NCAM2: variants seen among roughly 807,000 people sequenced by gnomAD.
NCAM2 encodes neural cell adhesion molecule 2.
In NCAM2, 30 loss-of-function variants were observed where a neutral mutation model predicts 98.1. The observed-to-expected ratio is 0.31, with a 90% CI of 0.23 to 0.41. The LOEUF is 0.41. Ranked by LOEUF, NCAM2 falls within the 10% of genes least tolerant of loss-of-function variation. NCAM2 has a pLI of 1.00. For missense variants in NCAM2, 867 were observed against 1,005.8 expected, an observed-to-expected ratio of 0.86 and a Z score of 1.87; for synonymous variants, 368 against 342.4, an observed-to-expected ratio of 1.07 and a Z score of -0.83.
chr21:21,394,469 C>CTTTTTTTTTTTTTTT lies in NCAM2; in HGVS notation c.1196-15782_1196-15768dup, dbSNP rs532068473. On this transcript the variant is annotated intron_variant, in intron 9 of 17. Transcript: ENST00000400546. ...GACCTTAGTTAATTTAAGGGGCCAG[C>CTTTTTTTTTTTTTTT]TTTTTTTTTTTTTTTTTTTTTTTTT... 6.1e-4 allele frequency among the ~76,000 whole-genome samples: 35 copies of CTTTTTTTTTTTTTTT among 57,660 alleles called. 6 individuals carry two copies. Among genetic ancestry groups the CTTTTTTTTTTTTTTT allele is most frequent in the Admixed American group, 8.0e-4 (3 of 3,738 alleles). The allele number at this position is 57,660 out of a possible 152,430, so 37.8% of individuals were successfully genotyped here. A position where few individuals can be genotyped will look rare whatever the true frequency, so the allele number is the denominator to read the frequency against.
chr21:21,404,978 G>A lies in NCAM2; in HGVS notation c.1196-5296G>A, dbSNP rs192628219. On this transcript the variant is annotated intron_variant, in intron 9 of 17. Transcript: ENST00000400546. The stretch of plus-strand genomic sequence containing the variant: ...AAAATTTAAAGAGACTCCACATGTA[G>A]TAACGCATTTTACATTTTTAAAGCC... Among the ~76,000 whole-genome samples, 121 of 151,846 alleles carry A rather than the reference G, an allele frequency of 8.0e-4. 1 individual carries two copies. The highest frequency in any genetic ancestry group is 1.8e-3 in the Admixed American group (28 of 15,230).
chr21:21,299,027 T>C (rs752559161), intron 5 of NCAM2, among the ~76,000 whole-genome samples: 10 of 151,522 alleles, frequency 6.6e-5, no homozygotes, highest in South Asian at 2.1e-4. Flanking sequence ...CCACAACTTA[T>C]AGAAATCTAT....
intron 1 of NCAM2, among the ~76,000 whole-genome samples, chr21:21,172,501 T>C (rs920367129): frequency 2.6e-4 from 40 of 152,162 alleles, no homozygotes; most frequent in African/African-American, 9.4e-4. Flanking sequence ...TTTCTTAGCA[T>C]ATACTTTACA....
At chr21:21,413,634 G>A (rs999813508) in intron 10 of NCAM2, among the ~76,000 whole-genome samples, 1 of 150,224 alleles carries the variant, frequency 6.7e-6, no homozygotes, top group Non-Finnish European at 1.5e-5. Context: ...AGTCTATTAA[G>A]TGTGCAAAAG....
chr21:21,124,983 C>T (rs191248545), intron 1 of NCAM2, among the ~76,000 whole-genome samples: 43 of 152,092 alleles, frequency 2.8e-4, no homozygotes, highest in Non-Finnish European at 4.6e-4. Flanking sequence ...ATTATATAAG[C>T]CAGAAATATA....
At chr21:21,004,355 A>C (rs1224486700) in intron 1 of NCAM2, among the ~76,000 whole-genome samples, 1 of 152,188 alleles carries the variant, frequency 6.6e-6, no homozygotes, top group South Asian at 2.1e-4. Context: ...GTCAAGAGAC[A>C]ATTAGCTTTG....
At chr21:21,046,739 T>G (rs1273482465) in intron 1 of NCAM2, among the ~76,000 whole-genome samples, 1 of 152,208 alleles carries the variant, frequency 6.6e-6, no homozygotes, top group Non-Finnish European at 1.5e-5. Flanking sequence ...TACTGGTTTG[T>G]TTTGTTTTGT....
At chr21:21,236,984 G>T (rs567411357) in intron 1 of NCAM2, among the ~76,000 whole-genome samples, 5 of 152,158 alleles carry the variant, frequency 3.3e-5, no homozygotes, top group Non-Finnish European at 7.4e-5. Flanking sequence ...ACATTTTTCT[G>T]TCTTTTTATT....
intron 1 of NCAM2, among the ~76,000 whole-genome samples, chr21:21,053,804 G>GT (rs1343776487): frequency 6.6e-6 from 1 of 150,874 alleles, no homozygotes; most frequent in Non-Finnish European, 1.5e-5. Flanking sequence ...GGTTTATATT[G>GT]TTGTTCTTTT....
chr21:21,469,260 C>T (rs2146224368), intron 14 of NCAM2, among the ~76,000 whole-genome samples: 1 of 152,086 alleles, frequency 6.6e-6, no homozygotes, highest in Non-Finnish European at 1.5e-5. Context: ...TTTTCTTCAA[C>T]TTTAATTAGC....
intron 1 of NCAM2, among the ~76,000 whole-genome samples, chr21:21,050,710 C>G (rs1010233321): frequency 6.6e-6 from 1 of 152,118 alleles, no homozygotes; most frequent in African/African-American, 2.4e-5. Flanking sequence ...GAAGTGTTGC[C>G]TTCTCAGTGC....
intron 9 of NCAM2, among the ~76,000 whole-genome samples, chr21:21,391,038 C>T (rs933471635): frequency 1.3e-5 from 2 of 151,856 alleles, no homozygotes; most frequent in Admixed American, 1.3e-4. Context: ...GTTTAAAAAC[C>T]TTTGATTTTA....
rs185885193 is a variant in NCAM2 at position 21,292,169 on chromosome 21, A to T, written c.547A>T (p.Ile183Leu). Reference sequence around the variant, plus strand: ...CAACATCAATAAAAGTGATGAAGGTATATACAGATGTGAAGGAAGAGTGGA... The same window carrying T: ...CAACATCAATAAAAGTGATGAAGGTTTATACAGATGTGAAGGAAGAGTGGA... ...ILNINKSDEG[I>L]YRCEGRVEAR... The change falls in exon 5 of 18, where the codon ATA (isoleucine) becomes TTA (leucine). Residue 183 changes from isoleucine (I) to leucine (L), a missense_variant. Coordinates refer to ENST00000400546, the MANE Select transcript of NCAM2 (RefSeq NM_004540.5). The T allele has an allele frequency of 2.0e-5, 33 of 1,611,236 alleles. No homozygotes were observed. Among genetic ancestry groups the T allele is most frequent in the Non-Finnish European group, 2.6e-5 (31 of 1,178,328 alleles).
At chr21:21,263,002 A>G (rs114752087) in intron 1 of NCAM2, among the ~76,000 whole-genome samples, 2,093 of 152,184 alleles carry the variant, frequency 0.014, 43 homozygotes, top group African/African-American at 0.048. Context: ...CACTCCCACA[A>G]CAACATGTGG....
rs116372435 is a variant in NCAM2, at chr21:21,464,336, G to A, written c.1655-2270G>A. Among the ~76,000 whole-genome samples the A allele has an allele frequency of 3.9e-3, 601 of 152,200 alleles. 8 individuals are homozygous for A. Among genetic ancestry groups the A allele is most frequent in the African/African-American group, 0.014 (586 of 41,548 alleles). ...CCAATATGATGTTATAGCACAGTCT[G>A]TGTTCTATTGCACTCTTTACCCTAA... is the stretch of plus-strand genomic sequence containing the variant. On this transcript the variant is annotated intron_variant, in intron 12 of 17. Transcript: ENST00000400546.
intron 8 of NCAM2, among the ~76,000 whole-genome samples, chr21:21,364,527 C>T (rs1338123988): frequency 1.3e-5 from 2 of 151,664 alleles, no homozygotes; most frequent in African/African-American, 2.4e-5. Context: ...CATCTAATGA[C>T]ATAGGTATGT....
At chr21:21,464,693 G>A (rs1983445259) in intron 12 of NCAM2, among the ~76,000 whole-genome samples, 1 of 152,022 alleles carries the variant, frequency 6.6e-6, no homozygotes, top group African/African-American at 2.4e-5. Flanking sequence ...TAGCAACCTT[G>A]GTTAAATTTC....
rs1024036515 is a variant in NCAM2, at chr21:21,541,625, C to T, written c.*3668C>T. On this transcript the variant is annotated 3_prime_UTR_variant, in exon 18 of 18. Coordinates refer to ENST00000400546, the MANE Select transcript of NCAM2 (RefSeq NM_004540.5). ...TTCCATTTATATATATTTTTTATTT[C>T]GAATAATAAATCAACCTTTATTTTT... 4 of 151,268 alleles carry T rather than the reference C, an allele frequency of 2.6e-5. No individual in the cohort carries two copies. The highest frequency in any genetic ancestry group is 5.9e-5 in the Non-Finnish European group (4 of 67,676). The allele number at this position is 151,268 out of a possible 1,614,324, so 9.4% of individuals were successfully genotyped here.
intron 1 of NCAM2, among the ~76,000 whole-genome samples, chr21:21,044,693 TG>T (rs2064974117): frequency 1.3e-5 from 2 of 152,188 alleles, no homozygotes; most frequent in South Asian, 4.1e-4. Context: ...TGGCCAGATA[TG>T]GCAGCTCATG....
Sources: allele counts gnomAD v4.1 joint callset (sites outside exome capture counted in the v4.1 genomes callset), GRCh38; gene constraint gnomAD v4.1.1; transcripts MANE v1.5; gene names NCBI Gene and HGNC (gene_info 2026-07-23, HGNC 2026-07-21).